Variants in COPS7A observed in about 807,000 individuals in gnomAD.
COPS7A encodes COP9 signalosome complex subunit 7a.
A neutral mutation model predicts 35.2 loss-of-function variants in COPS7A; 20 were observed. The observed-to-expected ratio is 0.57, with a 90% confidence interval of 0.40 to 0.83. The LOEUF (loss-of-function observed/expected upper bound fraction) is 0.83, where lower values mean the gene tolerates loss of function less well. Among genes scored for constraint, COPS7A ranks in the 40% least tolerant of loss-of-function variants. The probability of loss-of-function intolerance (pLI) is 0.00; values close to 1 mark genes in which losing one functional copy is unlikely to be tolerated. For synonymous variants in COPS7A, 139 were observed against 141.4 expected (o/e 0.98, Z 0.12); for missense variants, 247 against 347.5 (o/e 0.71, Z 2.30).
chr12:6,724,227 T>G, intron 1 of COPS7A, 48 bp downstream of exon 1: 1 of 301,300 alleles, frequency 3.3e-6, no homozygotes, highest in Admixed American at 5.0e-5. Context: ...GGCGGTGTCT[T>G]TAAGGGAGGG....
At chr12:6,725,400 G>A (rs914141457) in intron 2 of COPS7A, among the ~76,000 whole-genome samples, 5 of 151,960 alleles carry the variant, frequency 3.3e-5, no homozygotes, top group African/African-American at 4.8e-5. Flanking sequence ...CTCGTGATCC[G>A]CCCGCCTTGA....
rs1941185622 is a variant in COPS7A at position 6,724,054 on chromosome 12, G to C, written c.-169G>C. ...AGCCCGCCATAGAGTTTAGTGGCCA[G>C]AGCGACTCTTCAGGGAGGTGGCAGG... is the stretch of plus-strand genomic sequence containing the variant. On this transcript the variant is annotated 5_prime_UTR_variant, in exon 1 of 8. Transcript: ENST00000543155. The C allele has an allele frequency of 5.2e-6, 1 of 192,600 alleles. No individual in the cohort carries two copies. The highest frequency in any genetic ancestry group is 1.1e-5 in the Non-Finnish European group (1 of 90,658). The allele number at this position is 192,600 out of a possible 1,614,324, so 11.9% of individuals were successfully genotyped here.
In COPS7A at chr12:6,727,969, T is replaced by G. The variant is rs984561566; in HGVS notation, c.206T>G (p.Val69Gly). ...GCCTCTACCTTCCGGCTGCTCACAG[T>G]GTTTGCTTATGGGACATACGCTGAC... ...DFASTFRLLT[V>G]FAYGTYADYL... The change falls in exon 3 of 8, where the codon GTG becomes GGG. Residue 69 changes from valine (V) to glycine (G), a missense_variant. Physicochemically the swap from Val to Gly is moderately radical, Grantham distance 109 (BLOSUM62 -3). Transcript: ENST00000543155. 5 of 1,614,166 alleles carry G rather than the reference T, an allele frequency of 3.1e-6. No homozygotes were observed. In the South Asian group the frequency reaches 5.5e-5, roughly 18 times the overall value.
At chr12:6,724,909 A>G (rs1941213004) in intron 2 of COPS7A, 91 bp downstream of exon 2, 2 of 1,372,948 alleles carry the variant, frequency 1.5e-6, no homozygotes, top group South Asian at 1.3e-5. Flanking sequence ...GTGATCCAAT[A>G]ACCATTCAGT....
intron 4 of COPS7A, 55 bp downstream of exon 4, chr12:6,728,366 G>A: frequency 6.8e-7 from 1 of 1,475,190 alleles, no homozygotes; most frequent in Non-Finnish European, 9.5e-7. Context: ...TATGTCCTTG[G>A]GAGTCCACAC....
chr12:6,728,797 C>T (rs1427785303), intron 4 of COPS7A, among the ~76,000 whole-genome samples: 2 of 152,184 alleles, frequency 1.3e-5, no homozygotes, highest in South Asian at 4.1e-4. Flanking sequence ...TTAATTTAAA[C>T]CAGGCTCTCT....
At chr12:6,730,916 A>C (rs1941377403) in intron 7 of COPS7A, 84 bp from the exon 8 acceptor site, 4 of 1,588,394 alleles carry the variant, frequency 2.5e-6, no homozygotes, top group Non-Finnish European at 2.6e-6. Context: ...TTTGCATGGG[A>C]GTAGGGAGTG....
Position 6,728,244 on chromosome 12 carries a change from C to A in COPS7A, c.260C>A (p.Pro87Gln). ...CTAGCTGAAGCCCGGAATCTTCCTC[C>A]ACTAACAGAGGCTCAGAAGAATAAG... ...DYLAEARNLP[P>Q]LTEAQKNKLR... Residue 87 changes from proline to glutamine, a missense_variant, in exon 4 of 8, where the codon CCA becomes CAA. Physicochemically the swap from Pro to Gln is moderately conservative, Grantham distance 76. Coordinates refer to ENST00000543155, the MANE Select transcript of COPS7A (RefSeq NM_001164094.2). 1 of 1,614,134 alleles carries A rather than the reference C, an allele frequency of 6.2e-7. No homozygotes were observed. The highest frequency in any genetic ancestry group is 8.5e-7 in the Non-Finnish European group (1 of 1,180,012).
At position 6,731,165 on chromosome 12, in the gene COPS7A, C is replaced by T. The variant is rs749772449; in HGVS notation, c.*126C>T. The T allele has an allele frequency of 1.9e-6, 3 of 1,582,922 alleles. No homozygotes were observed. The highest frequency in any genetic ancestry group is 2.6e-6 in the Non-Finnish European group (3 of 1,162,910). ...CCTAGGTTCATGACCCTTCACCTCC[C>T]CTAACCCCAAACATAGATCACACCT... On this transcript the variant is annotated 3_prime_UTR_variant, in exon 8 of 8. Coordinates refer to ENST00000543155, the MANE Select transcript of COPS7A (RefSeq NM_001164094.2).
At position 6,724,602 on chromosome 12, in the gene COPS7A, C is replaced by G. The variant is rs759283594; in HGVS notation, c.-43-12C>G. 1 of 1,610,994 alleles carries G rather than the reference C, an allele frequency of 6.2e-7. No homozygotes were observed. Among genetic ancestry groups the G allele is most frequent in the Non-Finnish European group, 8.5e-7 (1 of 1,177,608 alleles). On this transcript the variant is annotated splice_polypyrimidine_tract_variant and intron_variant, in intron 1 of 7. Coordinates refer to ENST00000543155, the MANE Select transcript of COPS7A (RefSeq NM_001164094.2). ...TCGGGGACCTCTAGCTTCACATCCT[C>G]TTTCCTTGCAGCTCTGGACATCCTG... is the stretch of plus-strand genomic sequence containing the variant.
Position 6,724,195 on chromosome 12 carries a change from C to G in COPS7A, c.-44+16C>G. 3.6e-6 allele frequency: 1 copy of G among 278,242 alleles called. No homozygotes were observed. Among genetic ancestry groups the G allele is most frequent in the South Asian group, 2.7e-5 (1 of 36,518 alleles). 17.2% of individuals were successfully genotyped at this position (278,242 alleles called of 1,614,324 possible). On this transcript the variant is annotated intron_variant, in intron 1 of 7. Transcript: ENST00000543155. ...CTGACCCAGGGTACGACGAAGCAGT[C>G]GGCGGGAGCCCACGGTCGCTGGGCG...
chr12:6,731,229 G>A lies in COPS7A; in HGVS notation c.*190G>A, dbSNP rs1467402232. 1.4e-6 allele frequency: 2 copies of A among 1,470,596 alleles called. No homozygotes were observed. Among genetic ancestry groups the A allele is most frequent in the African/African-American group, 1.4e-5 (1 of 70,568 alleles). The allele number at this position is 1,470,596 out of a possible 1,614,324, so 91.1% of individuals were successfully genotyped here. ...GGCAAATGTAGGTCATGTTTTTGTT[G>A]GTACTTTCTGTTTTTTGTGACTTCA... On this transcript the variant is annotated 3_prime_UTR_variant, in exon 8 of 8. Coordinates refer to ENST00000543155, the MANE Select transcript of COPS7A (RefSeq NM_001164094.2).
At chr12:6,724,473 G>T in intron 1 of COPS7A, 141 bp from the exon 2 acceptor site, 2 of 735,808 alleles carry the variant, frequency 2.7e-6, no homozygotes, top group Non-Finnish European at 4.7e-6. Flanking sequence ...AGGATTCCTA[G>T]ATCAGAATTT....
At position 6,726,760 on chromosome 12, in the gene COPS7A, C is replaced by CAAAGAA. The variant is rs756397250; in HGVS notation, c.163-1153_163-1148dup. ...TGGGTGACAGTGTGAGACACCATCT[C>CAAAGAA]AAAGAAAAAGAAAAAGAAGCACTTA... is the stretch of plus-strand genomic sequence containing the variant. On this transcript the variant is annotated intron_variant, in intron 2 of 7. Transcript: ENST00000543155. Among the ~76,000 whole-genome samples the CAAAGAA allele has an allele frequency of 1.3e-5, 2 of 151,318 alleles. 1 individual carries two copies. The highest frequency in any genetic ancestry group is 3.9e-4 in the East Asian group (2 of 5,122).
intron 6 of COPS7A, 34 bp downstream of exon 6, chr12:6,730,541 C>T: frequency 6.2e-7 from 1 of 1,611,628 alleles, no homozygotes. Flanking sequence ...GACCCAAACT[C>T]CTCCAGCCTG....
At chr12:6,725,667 A>G (rs1043348121) in intron 2 of COPS7A, 2 of 456,006 alleles carry the variant, frequency 4.4e-6, no homozygotes, top group African/African-American at 2.0e-5. Context: ...GCAAACTGCT[A>G]GGAACACAGC....
intron 5 of COPS7A, among the ~76,000 whole-genome samples, chr12:6,730,182 A>C (rs1941357543): frequency 6.6e-6 from 1 of 152,046 alleles, no homozygotes; most frequent in Non-Finnish European, 1.5e-5. Context: ...ACATCCAGCT[A>C]GTTTTTGTAT....
Position 6,724,721 on chromosome 12 carries a change from C to T in COPS7A, c.65C>T (p.Ala22Val). The change falls in exon 2 of 8, where the codon GCC becomes GTC. Residue 22 changes from alanine (A) to valine (V), a missense_variant. By Grantham distance (64) the Ala-to-Val change is moderately conservative. Coordinates refer to ENST00000543155, the MANE Select transcript of COPS7A (RefSeq NM_001164094.2). ...CAATTTCTGCTCCTAGCCAAGTCGG[C>T]CAAGGGGGCAGCGCTGGCCACACTC... ...QEQFLLLAKS[A>V]KGAALATLIH... 6.2e-7 allele frequency: 1 copy of T among 1,614,130 alleles called. No homozygotes were observed. The highest frequency in any genetic ancestry group is 8.5e-7 in the Non-Finnish European group (1 of 1,180,028).
intron 2 of COPS7A, among the ~76,000 whole-genome samples, chr12:6,727,293 C>T (rs548082081): frequency 5.5e-5 from 8 of 146,592 alleles, no homozygotes; most frequent in African/African-American, 7.6e-5. Context: ...GCCAAGATCG[C>T]GCCACTGCAC....
Sources: allele counts gnomAD v4.1 joint callset (sites outside exome capture counted in the v4.1 genomes callset), GRCh38; gene constraint gnomAD v4.1.1; transcripts MANE v1.5; gene names NCBI Gene and HGNC (gene_info 2026-07-23, HGNC 2026-07-21).